The following TRAPPC10 variants were observed in gnomAD, a reference collection of about 807,000 sequenced individuals.
TRAPPC10 encodes the protein TRAPP 130 kDa subunit.
A neutral mutation model predicts 125.5 loss-of-function variants in TRAPPC10; 23 were observed. The observed-to-expected ratio is 0.18, with a 90% CI of 0.13 to 0.26. TRAPPC10 has a LOEUF of 0.26. TRAPPC10 is among the 10% of genes least tolerant of loss of function. The probability of loss-of-function intolerance (pLI) is 1.00; values close to 1 mark genes in which losing one functional copy is unlikely to be tolerated. For missense variants in TRAPPC10, 1,123 were observed against 1,308.4 expected, an observed-to-expected ratio of 0.86 and a Z score of 2.19; for synonymous variants, 509 against 518.0, an observed-to-expected ratio of 0.98 and a Z score of 0.24.
intron 20 of TRAPPC10, 133 bp downstream of exon 20, chr21:44,094,366 T>TG: frequency 1.1e-6 from 1 of 880,518 alleles, no homozygotes; most frequent in South Asian, 1.8e-5. Context: ...AAACAGTTGT[T>TG]GGGGTAGTTG....
At position 44,037,795 on chromosome 21, in the gene TRAPPC10, C is replaced by T; in HGVS notation, c.153C>T (p.Ser51=). 2 of 1,613,158 alleles carry T rather than the reference C, an allele frequency of 1.2e-6. No homozygotes were observed. The highest frequency in any genetic ancestry group is 1.7e-6 in the Non-Finnish European group (2 of 1,179,576). ...GACTTCAAACAATTGTTTACAGGTC[C>T]TATGGCCGGGCTCCGAAGATGATTC... ...LPREPMEWRR[S]YGRAPKMIHL... The change falls in exon 3 of 23, where the codon TCC becomes TCT. Residue 51 remains serine (S), a synonymous_variant. Coordinates refer to ENST00000291574, the MANE Select transcript of TRAPPC10 (RefSeq NM_003274.5).
At position 44,013,928 on chromosome 21, in the gene TRAPPC10, C is replaced by T. The variant is rs368971934; in HGVS notation, c.67+1368C>T. On this transcript the variant is annotated intron_variant, in intron 1 of 22. Transcript: ENST00000291574. ...GATGTGGGTAGAGCTGGTCTGCAGG[C>T]CCTGCAATTTCCCAGGGGCTTTCCC... Among the ~76,000 whole-genome samples the T allele has an allele frequency of 9.8e-5, 15 of 152,330 alleles. No homozygotes were observed. In the East Asian group the frequency reaches 2.3e-3, roughly 23 times the overall value.
chr21:44,053,470 A>G (rs909326215), intron 4 of TRAPPC10, among the ~76,000 whole-genome samples: 6 of 152,174 alleles, frequency 3.9e-5, no homozygotes, highest in Admixed American at 6.5e-5. Flanking sequence ...GCCGTAAGTT[A>G]TTTATACATT....
chr21:44,032,228 A>G, intron 2 of TRAPPC10, 56 bp downstream of exon 2: 1 of 1,398,052 alleles, frequency 7.2e-7, no homozygotes, highest in Non-Finnish European at 1.0e-6. Flanking sequence ...AAAATGAAGT[A>G]CATGTTTTTA....
Position 44,063,908 on chromosome 21 carries a change from T to G in TRAPPC10, c.1038+123T>G, listed in dbSNP as rs140704107. On this transcript the variant is annotated intron_variant, in intron 7 of 22. Transcript: ENST00000291574. The surrounding 1 kb of genome is among the most constrained non-coding windows in gnomAD (Gnocchi z 4.4). ...AAAGGGTTTTCTTTTCTGAATGCCT[T>G]TAATTTTCAGTATATTGTTTGCTTA... The G allele has an allele frequency of 1.2e-5, 16 of 1,342,898 alleles. No homozygotes were observed. The highest frequency in any genetic ancestry group is 2.0e-4 in the Middle Eastern group (1 of 5,104). The allele number at this position is 1,342,898 out of a possible 1,614,324, so 83.2% of individuals were successfully genotyped here. A position where few individuals can be genotyped will look rare whatever the true frequency, so the allele number is the denominator to read the frequency against.
At chr21:44,083,391 G>A in intron 14 of TRAPPC10, 89 bp downstream of exon 14, 1 of 1,426,732 alleles carries the variant, frequency 7.0e-7, no homozygotes, top group South Asian at 1.3e-5. Context: ...GCTGTGAATT[G>A]AGTAGAGTCC....
chr21:44,087,788 G>A lies in TRAPPC10; in HGVS notation c.2629G>A (p.Glu877Lys), dbSNP rs765840861. The A allele has an allele frequency of 5.6e-6, 9 of 1,614,098 alleles. No homozygotes were observed. Among genetic ancestry groups the A allele is most frequent in the South Asian group, 1.1e-5 (1 of 91,090 alleles). The change falls in exon 17 of 23, where the codon GAA (glutamate) becomes AAA (lysine). Residue 877 changes from glutamate to lysine, a missense_variant. By Grantham distance (56) the Glu-to-Lys change is moderately conservative. Coordinates refer to ENST00000291574, the MANE Select transcript of TRAPPC10 (RefSeq NM_003274.5). The surrounding 1 kb of genome is among the most constrained non-coding windows in gnomAD (Gnocchi z 4.6). ...LPVAPAYHVI[E>K]FELEVLSLPS... ...TGTTGCGCCTGCGTACCACGTGATC[G>A]AATTTGAACTGGAAGTTCTCTCTTT... is the stretch of plus-strand genomic sequence containing the variant.
At chr21:44,042,176 TTTC>T (rs2034474292) in intron 3 of TRAPPC10, among the ~76,000 whole-genome samples, 2 of 152,284 alleles carry the variant, frequency 1.3e-5, no homozygotes, top group African/African-American at 2.4e-5. Flanking sequence ...TTTGTATTAT[TTTC>T]TTCTTTTTGT....
chr21:44,043,997 C>T (rs1467901775), intron 3 of TRAPPC10, among the ~76,000 whole-genome samples: 1 of 152,220 alleles, frequency 6.6e-6, no homozygotes, highest in South Asian at 2.1e-4. Flanking sequence ...GTTGTAGATC[C>T]GTGAGCAAAA....
chr21:44,033,624 G>T (rs983432096), intron 2 of TRAPPC10, among the ~76,000 whole-genome samples: 4 of 152,188 alleles, frequency 2.6e-5, no homozygotes, highest in African/African-American at 9.7e-5. Flanking sequence ...ACTGTAGGAG[G>T]GTCAGGTGGG....
chr21:44,089,454 C>T (rs1913978217), intron 17 of TRAPPC10: 1 of 431,350 alleles, frequency 2.3e-6, no homozygotes, highest in Non-Finnish European at 4.8e-6. Context: ...TCTGGAAATA[C>T]ATGACTGAAA....
intron 3 of TRAPPC10, among the ~76,000 whole-genome samples, chr21:44,047,565 T>TGTGTGTGTGTGTGCGCGC (rs954810521): frequency 1.9e-4 from 28 of 147,198 alleles, no homozygotes; most frequent in African/African-American, 6.7e-4. Context: ...TGTGTGTGTG[T>TGTGTGTGTGTGTGCGCGC]GCGCGCACAC....
chr21:44,068,681 G>A (rs753643777), intron 7 of TRAPPC10, among the ~76,000 whole-genome samples: 1 of 151,936 alleles, frequency 6.6e-6, no homozygotes, highest in Non-Finnish European at 1.5e-5. Flanking sequence ...GCTCATTGTA[G>A]CCTCCGCCTC....
rs1222933247 is a variant in TRAPPC10, at chr21:44,092,120, G to T, written c.2997+71G>T. The T allele has an allele frequency of 1.9e-6, 3 of 1,576,558 alleles. No individual in the cohort carries two copies. The African/African-American group carries it at 4.0e-5, about 21-fold the overall frequency. On this transcript the variant is annotated intron_variant, in intron 19 of 22. Coordinates refer to ENST00000291574, the MANE Select transcript of TRAPPC10 (RefSeq NM_003274.5). Reference sequence around the variant, plus strand: ...AGAGTGTACGGAAATGATGTAGTATGTGTTGCGACTGAGCCTTTAGATAGA... The same window carrying T: ...AGAGTGTACGGAAATGATGTAGTATTTGTTGCGACTGAGCCTTTAGATAGA...
At chr21:44,055,092 G>T (rs921608651) in intron 4 of TRAPPC10, among the ~76,000 whole-genome samples, 1 of 152,138 alleles carries the variant, frequency 6.6e-6, no homozygotes, top group Non-Finnish European at 1.5e-5. Flanking sequence ...TGAGTGAGGC[G>T]TGATCACATT....
intron 1 of TRAPPC10, among the ~76,000 whole-genome samples, chr21:44,026,193 G>C (rs191023105): frequency 4.0e-5 from 6 of 151,820 alleles, no homozygotes; most frequent in Admixed American, 1.3e-4. Context: ...GTGCTTTCTC[G>C]TTGACCTTCA....
In TRAPPC10 at chr21:44,088,976, C is replaced by CCCG. The variant is rs1569220695; in HGVS notation, c.2770-856_2770-855insCGC. 1.8e-4 allele frequency: 30 copies of CCCG among 167,588 alleles called. 1 individual carries two copies. Among genetic ancestry groups the CCCG allele is most frequent in the African/African-American group, 7.8e-4 (27 of 34,752 alleles). The allele number at this position is 167,588 out of a possible 1,614,324, so 10.4% of individuals were successfully genotyped here. A position where few individuals can be genotyped will look rare whatever the true frequency, so the allele number is the denominator to read the frequency against. ...GCACCTGTGCTGTGTGCCGTGTTAT[C>CCCG]CTCTTTTCCCTGGCACTGGCGGCAC... On this transcript the variant is annotated intron_variant, in intron 17 of 22. Coordinates refer to ENST00000291574, the MANE Select transcript of TRAPPC10 (RefSeq NM_003274.5).
chr21:44,081,211 A>G (rs1205638087), intron 13 of TRAPPC10, among the ~76,000 whole-genome samples: 1 of 151,624 alleles, frequency 6.6e-6, no homozygotes, highest in Non-Finnish European at 1.5e-5. Context: ...CCCAGGTTGG[A>G]GTGCAGTGGC....
At chr21:44,013,978 G>T (rs1363984327) in intron 1 of TRAPPC10, among the ~76,000 whole-genome samples, 1 of 152,220 alleles carries the variant, frequency 6.6e-6, no homozygotes, top group African/African-American at 2.4e-5. Context: ...ATGAAGCCAT[G>T]CGCAGTTCAT....
Sources: gnomAD v4.1 joint callset for allele counts (sites outside exome capture counted in the v4.1 genomes callset) on GRCh38, gnomAD v4.1.1 for gene constraint, Gnocchi (gnomAD v3.1) non-coding constraint, MANE v1.5 for transcripts, NCBI Gene and HGNC (gene_info 2026-07-23, HGNC 2026-07-21) for gene names.